UNC5B: variants seen among roughly 807,000 people sequenced by gnomAD.
UNC5B encodes unc-5 netrin receptor B.
UNC5B carries 56 observed loss-of-function variants against 103.7 expected under a neutral mutation model. That is an observed-to-expected ratio of 0.54 (90% CI 0.44 to 0.67). The LOEUF (loss-of-function observed/expected upper bound fraction) is 0.67, where lower values mean the gene tolerates loss of function less well. UNC5B is among the 30% of genes least tolerant of loss of function. UNC5B has a pLI of 0.00. For missense variants in UNC5B, 1,194 were observed against 1,284.5 expected (o/e 0.93, Z 1.08); for synonymous variants, 577 against 542.0 (o/e 1.06, Z -0.90).
At chr10:71,240,348 T>A (rs1843871406) in intron 1 of UNC5B, among the ~76,000 whole-genome samples, 1 of 152,256 alleles carries the variant, frequency 6.6e-6, no homozygotes, top group Non-Finnish European at 1.5e-5. Context: ...CCTCTTCTCA[T>A]GTAACCTCTT....
At chr10:71,245,763 C>G (rs1844017464) in intron 1 of UNC5B, among the ~76,000 whole-genome samples, 1 of 152,184 alleles carries the variant, frequency 6.6e-6, no homozygotes, top group African/African-American at 2.4e-5. Context: ...CCCTCCCTGT[C>G]TATTCTGTAG....
intron 1 of UNC5B, among the ~76,000 whole-genome samples, chr10:71,269,960 C>T (rs533378541): frequency 2.5e-4 from 38 of 152,118 alleles, no homozygotes; most frequent in Admixed American, 2.2e-3. Flanking sequence ...TTGGGGGAGG[C>T]GCTCCAAAAC....
rs11813595 is a variant in UNC5B at position 71,301,587 on chromosome 10, G to C, written c.*2310G>C. 24,347 of 152,256 alleles carry C rather than the reference G, an allele frequency of 0.16. 2,340 individuals carry two copies. Among genetic ancestry groups the C allele is most frequent in the Non-Finnish European group, 0.22 (15,108 of 68,016 alleles). The allele number at this position is 152,256 out of a possible 1,614,324, so 9.4% of individuals were successfully genotyped here. A position where few individuals can be genotyped will look rare whatever the true frequency, so the allele number is the denominator to read the frequency against. ...ATGAACACGTGTGGGCCTCGGTCACGTGGCTTTGAGGGCAGTCTGACCAGG... is the reference window on the plus strand; with the variant it reads ...ATGAACACGTGTGGGCCTCGGTCACCTGGCTTTGAGGGCAGTCTGACCAGG... On this transcript the variant is annotated 3_prime_UTR_variant, in exon 17 of 17. Transcript: ENST00000335350.
intron 5 of UNC5B, among the ~76,000 whole-genome samples, chr10:71,287,264 T>C (rs1304804008): frequency 6.6e-6 from 1 of 152,166 alleles, no homozygotes; most frequent in Non-Finnish European, 1.5e-5. Context: ...GACAGAGTTT[T>C]AGAAAGAACC....
Position 71,213,210 on chromosome 10 carries a change from C to A in UNC5B, c.79+146C>A. On this transcript the variant is annotated intron_variant, in intron 1 of 16. Coordinates refer to ENST00000335350, the MANE Select transcript of UNC5B (RefSeq NM_170744.5). The surrounding 1 kb of genome is among the most constrained non-coding windows in gnomAD (Gnocchi z 4.1). ...AGTTAGAATGTAGATTTTACTGCCT[C>A]CCAAAGTGGGCAATGGCGCATCCAC... 1.6e-6 allele frequency: 1 copy of A among 611,982 alleles called. No individual in the cohort carries two copies. The highest frequency in any genetic ancestry group is 2.4e-6 in the Non-Finnish European group (1 of 420,264). 37.9% of individuals were successfully genotyped at this position (611,982 alleles called of 1,614,324 possible). A position where few individuals can be genotyped will look rare whatever the true frequency, so the allele number is the denominator to read the frequency against.
In UNC5B at chr10:71,291,718, C is replaced by T. The variant is rs924360173; in HGVS notation, c.1581C>T (p.Ala527=). The T allele has an allele frequency of 1.2e-6, 2 of 1,612,334 alleles. No individual in the cohort carries two copies. Among genetic ancestry groups the T allele is most frequent in the African/African-American group, 2.7e-5 (2 of 74,942 alleles). The change falls in exon 10 of 17, where the codon GCC becomes GCT. Residue 527 remains alanine (A), a synonymous_variant. Transcript: ENST00000335350. Reference sequence around the variant, plus strand: ...CCCACTTCCTGCACCTGCGCAGCGCCAGCCTCGGTTCCCAGCAGCTCTTGG... The same window carrying T: ...CCCACTTCCTGCACCTGCGCAGCGCTAGCCTCGGTTCCCAGCAGCTCTTGG... ...RDTHFLHLRS[A]SLGSQQLLGL... is the part of the protein sequence containing the mutation.
intron 1 of UNC5B, among the ~76,000 whole-genome samples, chr10:71,225,238 A>G (rs557615861): frequency 1.7e-4 from 24 of 143,842 alleles, no homozygotes; most frequent in Admixed American, 4.1e-4. Context: ...ACACCCAGAG[A>G]GGTGCTTCAG....
chr10:71,226,983 C>CTTTTT (rs34048995), intron 1 of UNC5B, among the ~76,000 whole-genome samples: 1 of 142,698 alleles, frequency 7.0e-6, no homozygotes, highest in Non-Finnish European at 1.5e-5. Context: ...GACCATTCTT[C>CTTTTT]TTTTTTTTTT....
chr10:71,287,601 A>G lies in UNC5B; in HGVS notation c.737A>G (p.Asn246Ser), dbSNP rs745632266. The G allele has an allele frequency of 6.3e-7, 1 of 1,595,848 alleles. No homozygotes were observed. The highest frequency in any genetic ancestry group is 8.5e-7 in the Non-Finnish European group (1 of 1,171,420). The change falls in exon 6 of 17, where the codon AAT (asparagine) becomes AGT (serine). Residue 246 changes from asparagine (N) to serine (S), a missense_variant. Asn to Ser is a conservative substitution (Grantham distance 46). Coordinates refer to ENST00000335350, the MANE Select transcript of UNC5B (RefSeq NM_170744.5). Reference protein sequence around the residue: ...STTATVIVYVNGGWSSWAEWS... With the variant: ...STTATVIVYVSGGWSSWAEWS... ...GTTGACAGCTGCCGCCTTGCAGTGAATGGCGGCTGGTCCAGCTGGGCAGAG... is the reference window on the plus strand; with the variant it reads ...GTTGACAGCTGCCGCCTTGCAGTGAGTGGCGGCTGGTCCAGCTGGGCAGAG...
Position 71,280,663 on chromosome 10 carries a change from G to A in UNC5B, c.304+618G>A, listed in dbSNP as rs549545872. Among the ~76,000 whole-genome samples, 54 of 152,326 alleles carry A rather than the reference G, an allele frequency of 3.5e-4. No homozygotes were observed. In the South Asian group the frequency reaches 3.7e-3, roughly 11 times the overall value. On this transcript the variant is annotated intron_variant, in intron 2 of 16. Transcript: ENST00000335350. Reference sequence around the variant, plus strand: ...CTTCTCGGATATGTGGGGAGCTCTCGGTACTCCCAGAGGAGGAGGCAGAGC... The same window carrying A: ...CTTCTCGGATATGTGGGGAGCTCTCAGTACTCCCAGAGGAGGAGGCAGAGC...
intron 1 of UNC5B, among the ~76,000 whole-genome samples, chr10:71,237,682 C>A (rs780068682): frequency 6.6e-6 from 1 of 152,204 alleles, no homozygotes; most frequent in Non-Finnish European, 1.5e-5. Flanking sequence ...GTATTGGAAG[C>A]CTCCTGCCTC....
intron 8 of UNC5B, 98 bp downstream of exon 8, chr10:71,289,088 G>A: frequency 1.3e-6 from 2 of 1,544,442 alleles, no homozygotes; most frequent in Non-Finnish European, 1.8e-6. Context: ...AGGGAGAGCT[G>A]AAGGTGCCTA....
At chr10:71,297,727 T>G (rs1370701840) in intron 15 of UNC5B, among the ~76,000 whole-genome samples, 182 bp from the exon 16 acceptor site, 1 of 152,224 alleles carries the variant, frequency 6.6e-6, no homozygotes, top group Non-Finnish European at 1.5e-5. Flanking sequence ...AGGGTGGCCA[T>G]GCAGGCCTTG....
chr10:71,265,587 C>T (rs1844505691), intron 1 of UNC5B, among the ~76,000 whole-genome samples: 1 of 152,254 alleles, frequency 6.6e-6, no homozygotes, highest in African/African-American at 2.4e-5. Context: ...GCTTCAGCTG[C>T]ATGCTGTGGC....
intron 1 of UNC5B, among the ~76,000 whole-genome samples, chr10:71,257,950 A>T (rs1029422070): frequency 5.9e-5 from 9 of 152,228 alleles, no homozygotes; most frequent in South Asian, 2.1e-4. Flanking sequence ...CAATGTTCTG[A>T]TACCCTCTTT....
chr10:71,255,871 A>C (rs974282066), intron 1 of UNC5B, among the ~76,000 whole-genome samples: 2 of 152,232 alleles, frequency 1.3e-5, no homozygotes, highest in African/African-American at 4.8e-5. Context: ...AGGCAAGAGC[A>C]TAGTGTAAAA....
intron 13 of UNC5B, among the ~76,000 whole-genome samples, chr10:71,295,059 C>T (rs1480213019): frequency 6.6e-6 from 1 of 152,202 alleles, no homozygotes; most frequent in Non-Finnish European, 1.5e-5. Context: ...CCCCGTCCAG[C>T]TCCTTCATCT....
intron 2 of UNC5B, among the ~76,000 whole-genome samples, chr10:71,281,895 G>C (rs1363693366): frequency 1.3e-5 from 2 of 152,138 alleles, no homozygotes; most frequent in East Asian, 3.9e-4. Flanking sequence ...GCTTTCCTTG[G>C]CCTCTTTCTC....
intron 1 of UNC5B, among the ~76,000 whole-genome samples, chr10:71,271,577 G>A (rs111896567): frequency 2.6e-5 from 4 of 152,358 alleles, no homozygotes; most frequent in African/African-American, 9.6e-5. Flanking sequence ...GTGGAAGTCA[G>A]GGTGGCCAGT....
Sources: gnomAD v4.1 joint callset for allele counts (sites outside exome capture counted in the v4.1 genomes callset) on GRCh38, gnomAD v4.1.1 for gene constraint, Gnocchi (gnomAD v3.1) non-coding constraint, MANE v1.5 for transcripts, NCBI Gene and HGNC (gene_info 2026-07-23, HGNC 2026-07-21) for gene names.